Variants in LINGO2 observed in about 807,000 individuals in gnomAD.
LINGO2 encodes leucine rich repeat and Ig domain containing 2.
Under a neutral mutation model 30.6 loss-of-function variants are expected in LINGO2, and 14 were observed. The observed-to-expected ratio is 0.46, with a 90% confidence interval of 0.30 to 0.72. LINGO2 has a LOEUF of 0.72. Ranked by LOEUF, LINGO2 falls within the 30% of genes least tolerant of loss-of-function variation. The probability of loss-of-function intolerance (pLI) is 0.07; values close to 1 mark genes in which losing one functional copy is unlikely to be tolerated. For missense variants in LINGO2, 729 were observed against 751.7 expected (o/e 0.97, Z 0.35); for synonymous variants, 317 against 288.5 (o/e 1.10, Z -1.00).
At chr9:28,898,024 G>A in the LINGO2 span, among the ~76,000 whole-genome samples, 1 of 151,984 alleles carries the variant, frequency 6.6e-6, no homozygotes, top group Non-Finnish European at 1.5e-5. Flanking sequence ...TGATAGTAAA[G>A]AAATAATTCT....
At chr9:28,336,682 A>G (rs1825600535) in intron 3 of LINGO2, among the ~76,000 whole-genome samples, 1 of 152,128 alleles carries the variant, frequency 6.6e-6, no homozygotes, top group African/African-American at 2.4e-5. Context: ...CCATTGAACT[A>G]CTTTTGCACC....
chr9:28,894,021 G>A, the LINGO2 span, among the ~76,000 whole-genome samples: 2 of 151,842 alleles, frequency 1.3e-5, no homozygotes, highest in African/African-American at 2.4e-5. Flanking sequence ...TTGTCCTTGC[G>A]ATAGTTTACT....
the LINGO2 span, among the ~76,000 whole-genome samples, chr9:28,896,053 G>A: frequency 8.0e-4 from 122 of 152,168 alleles, no homozygotes; most frequent in Middle Eastern, 6.8e-3. Flanking sequence ...GTCCAGTAAC[G>A]AATTTTAAAG....
At chr9:28,142,703 T>C (rs1190054476) in intron 4 of LINGO2, among the ~76,000 whole-genome samples, 4 of 152,186 alleles carry the variant, frequency 2.6e-5, no homozygotes, top group African/African-American at 9.6e-5. Flanking sequence ...GGATTTTGAG[T>C]TGATTGACAG....
chr9:28,450,736 A>G (rs1824616266), intron 2 of LINGO2, among the ~76,000 whole-genome samples: 1 of 152,050 alleles, frequency 6.6e-6, no homozygotes, highest in Non-Finnish European at 1.5e-5. Context: ...TATGGGTTGA[A>G]GTATGACTAT....
chr9:28,496,468 T>G lies in LINGO2; in HGVS notation c.-364-20443A>C, dbSNP rs893240562. Among the ~76,000 whole-genome samples, 56 of 150,966 alleles carry G rather than the reference T, an allele frequency of 3.7e-4. 2 individuals are homozygous for G. The highest frequency in any genetic ancestry group is 1.1e-3 in the African/African-American group (43 of 40,302). ...TTGGGTTAAAGTCTGTTTTATCAGA[T>G]ACTAGGATTGCAACCCCTGCCTTTT... On this transcript the variant is annotated intron_variant, in intron 1 of 5. Coordinates refer to ENST00000379992, the Ensembl canonical transcript of LINGO2.
the LINGO2 span, among the ~76,000 whole-genome samples, chr9:29,070,514 C>A: frequency 6.6e-6 from 1 of 152,060 alleles, no homozygotes; most frequent in Non-Finnish European, 1.5e-5. Context: ...CAGTTAAATA[C>A]CTCAAGAAGA....
intron 4 of LINGO2, among the ~76,000 whole-genome samples, chr9:28,094,929 G>A (rs1005595727): frequency 1.3e-5 from 2 of 152,076 alleles, no homozygotes; most frequent in African/African-American, 4.8e-5. Context: ...CTAGGAGATA[G>A]GACATAGGTG....
At chr9:28,299,168 C>T (rs938995540) in intron 3 of LINGO2, among the ~76,000 whole-genome samples, 3 of 152,050 alleles carry the variant, frequency 2.0e-5, no homozygotes, top group South Asian at 2.1e-4. Context: ...CTCTAGGTGG[C>T]CAACAGAACT....
chr9:28,590,461 A>C (rs866529958), intron 1 of LINGO2, among the ~76,000 whole-genome samples: 3 of 151,970 alleles, frequency 2.0e-5, no homozygotes, highest in African/African-American at 7.2e-5. Flanking sequence ...ATTTAAAAGA[A>C]AAAAAAACAG....
At chr9:28,013,391 C>A (rs547763829) in intron 4 of LINGO2, among the ~76,000 whole-genome samples, 1 of 152,312 alleles carries the variant, frequency 6.6e-6, no homozygotes, top group East Asian at 1.9e-4. Flanking sequence ...TAAAAGGAAT[C>A]TGCTTATCTG....
At chr9:28,979,403 A>G in the LINGO2 span, among the ~76,000 whole-genome samples, 2 of 152,100 alleles carry the variant, frequency 1.3e-5, no homozygotes, top group African/African-American at 4.8e-5. Context: ...AAGAGAGCTG[A>G]TGCTGGGTTA....
At chr9:28,865,038 G>A in the LINGO2 span, among the ~76,000 whole-genome samples, 2 of 152,026 alleles carry the variant, frequency 1.3e-5, no homozygotes, top group Non-Finnish European at 2.9e-5. Flanking sequence ...CTTCTCTAAG[G>A]GAATACCATA....
At chr9:29,082,098 CA>C in the LINGO2 span, among the ~76,000 whole-genome samples, 1 of 151,958 alleles carries the variant, frequency 6.6e-6, no homozygotes, top group African/African-American at 2.4e-5. Context: ...CATATGGAAC[CA>C]AAAAAGAGCC....
At chr9:28,350,023 C>T (rs1000707343) in intron 3 of LINGO2, among the ~76,000 whole-genome samples, 30 of 151,938 alleles carry the variant, frequency 2.0e-4, no homozygotes, top group African/African-American at 4.1e-4. Flanking sequence ...AAGGAACAAC[C>T]GGTACCAGCC....
chr9:28,051,744 A>G (rs974747892), intron 4 of LINGO2, among the ~76,000 whole-genome samples: 3 of 152,076 alleles, frequency 2.0e-5, no homozygotes, highest in African/African-American at 7.2e-5. Flanking sequence ...CTTCTTTCCA[A>G]TAACTCAGCA....
At chr9:29,041,453 A>G in the LINGO2 span, among the ~76,000 whole-genome samples, 1 of 152,052 alleles carries the variant, frequency 6.6e-6, no homozygotes, top group Non-Finnish European at 1.5e-5. Context: ...TATAGCTATG[A>G]GAGTCAAGAC....
chr9:28,718,504 C>A, the LINGO2 span, among the ~76,000 whole-genome samples: 56 of 152,138 alleles, frequency 3.7e-4, no homozygotes, highest in Non-Finnish European at 2.2e-4. Context: ...TTACTTACTT[C>A]ATAATTGCTT....
chr9:28,932,135 G>GAAAATAAAATAAA, the LINGO2 span, among the ~76,000 whole-genome samples: 2 of 138,656 alleles, frequency 1.4e-5, 1 homozygote, highest in Non-Finnish European at 3.0e-5. Flanking sequence ...AATAAAATAA[G>GAAAATAAAATAAA]ATAAAATAAA....
Sources: gnomAD v4.1 joint callset for allele counts (sites outside exome capture counted in the v4.1 genomes callset) on GRCh38, gnomAD v4.1.1 for gene constraint, MANE v1.5 for transcripts, NCBI Gene and HGNC (gene_info 2026-07-23, HGNC 2026-07-21) for gene names.